PARP16: variants seen among roughly 807,000 people sequenced by gnomAD.
PARP16 encodes poly(ADP-ribose) polymerase family member 16.
A neutral mutation model predicts 35.0 loss-of-function variants in PARP16; 31 were observed. That is an observed-to-expected ratio of 0.88 (90% CI 0.66 to 1.19). The LOEUF (loss-of-function observed/expected upper bound fraction) is 1.19, where lower values mean the gene tolerates loss of function less well. Ranked by LOEUF, PARP16 falls within the 50% of genes most tolerant of loss-of-function variation. The pLI is 0.00. For synonymous variants in PARP16, 162 were observed against 169.5 expected, an observed-to-expected ratio of 0.96 and a Z score of 0.34; for missense variants, 424 against 411.2, an observed-to-expected ratio of 1.03 and a Z score of -0.27.
chr15:65,241,985 A>G lies in PARP16; in HGVS notation c.*97+6132T>C, dbSNP rs539324623. ...AAGATTTTCCCCTACGTCTTCTTCT[A>G]GAAGTTGTATAGTTTTTGCTCTTGT... On this transcript the variant is annotated intron_variant and NMD_transcript_variant, in intron 3 of 3. Coordinates refer to the PARP16 transcript ENST00000559805. 3.9e-5 allele frequency among the ~76,000 whole-genome samples: 6 copies of G among 152,306 alleles called. No individual in the cohort carries two copies. The East Asian group carries it at 5.8e-4, about 15-fold the overall frequency.
At chr15:65,283,253 G>A (rs185992033) in intron 1 of PARP16, among the ~76,000 whole-genome samples, 139 of 152,078 alleles carry the variant, frequency 9.1e-4, no homozygotes, top group African/African-American at 3.2e-3. Context: ...TCTGGACAAC[G>A]TTGTGAGACC....
chr15:65,246,244 C>G lies in PARP16; in HGVS notation c.*97+1873G>C, dbSNP rs181305387. ...TTTGGGAGAGCATAAGAGCTGCCAG[C>G]TTTAACAGGCTCTAGGGGATTCCCG... On this transcript the variant is annotated intron_variant and NMD_transcript_variant, in intron 3 of 3. Transcript: ENST00000559805. Among the ~76,000 whole-genome samples the G allele has an allele frequency of 2.6e-3, 392 of 152,300 alleles. 2 individuals carry two copies. Among genetic ancestry groups the G allele is most frequent in the African/African-American group, 9.0e-3 (374 of 41,560 alleles).
At chr15:65,268,674 C>G (rs2089984102) in intron 2 of PARP16, among the ~76,000 whole-genome samples, 1 of 151,966 alleles carries the variant, frequency 6.6e-6, no homozygotes, top group South Asian at 2.1e-4. Context: ...TGAACTCCAG[C>G]CTCAAGCAAT....
intron 2 of PARP16, among the ~76,000 whole-genome samples, chr15:65,269,205 T>TCTCTCTCTCTCTCTCTCTCCTCTCTC (rs1567029678): frequency 6.8e-6 from 1 of 147,306 alleles, no homozygotes; most frequent in Non-Finnish European, 1.5e-5. Context: ...TCTTTCTTTC[T>TCTCTCTCTCTCTCTCTCTCCTCTCTC]TTTTTTTTTG....
intron 3 of PARP16, among the ~76,000 whole-genome samples, chr15:65,238,547 T>C (rs973219774): frequency 1.3e-5 from 2 of 152,202 alleles, no homozygotes; most frequent in African/African-American, 2.4e-5. Context: ...TTAGGTCTTA[T>C]AATCTCTCTC....
chr15:65,246,633 G>A (rs901000065), intron 3 of PARP16, among the ~76,000 whole-genome samples: 1 of 152,156 alleles, frequency 6.6e-6, no homozygotes, highest in African/African-American at 2.4e-5. Flanking sequence ...GGGGCTCAGG[G>A]GCAGAATCAG....
intron 3 of PARP16, among the ~76,000 whole-genome samples, chr15:65,241,073 T>G (rs964399477): frequency 6.6e-6 from 1 of 151,172 alleles, no homozygotes; most frequent in Non-Finnish European, 1.5e-5. Flanking sequence ...TGACCTCAAG[T>G]GATCTGCCCC....
intron 2 of PARP16, among the ~76,000 whole-genome samples, chr15:65,267,614 A>C (rs2089944295): frequency 8.5e-6 from 1 of 118,314 alleles, no homozygotes; most frequent in Non-Finnish European, 1.9e-5. Flanking sequence ...CTCAAAAAAT[A>C]AATAAATTAA....
rs1221287846 is a variant in PARP16 at position 65,286,552 on chromosome 15, G to A, written c.-126C>T. On this transcript the variant is annotated 5_prime_UTR_variant, in exon 1 of 6. Coordinates refer to ENST00000649807, the MANE Select transcript of PARP16 (RefSeq NM_001316943.2). ...GGGCCGGGTTCCCAAGCCTGGGGTG[G>A]AGCTAGGCAGGGGGCTGAGATGACA... 4.0e-5 allele frequency: 26 copies of A among 653,016 alleles called. No individual in the cohort carries two copies. Among genetic ancestry groups the A allele is most frequent in the Middle Eastern group, 8.6e-4 (2 of 2,316 alleles). 40.5% of individuals were successfully genotyped at this position (653,016 alleles called of 1,614,324 possible). A position where few individuals can be genotyped will look rare whatever the true frequency, so the allele number is the denominator to read the frequency against.
At chr15:65,268,222 C>G (rs778324697) in intron 2 of PARP16, among the ~76,000 whole-genome samples, 4 of 152,112 alleles carry the variant, frequency 2.6e-5, no homozygotes, top group African/African-American at 4.8e-5. Flanking sequence ...ATATAGCAAA[C>G]AGAGACTTGA....
chr15:65,242,468 A>C (rs2089106068), intron 3 of PARP16, among the ~76,000 whole-genome samples: 1 of 151,970 alleles, frequency 6.6e-6, no homozygotes. Context: ...GAAAATTGTA[A>C]TCTTGAAAAC....
At chr15:65,260,525 C>T (rs1278901678) in intron 5 of PARP16, among the ~76,000 whole-genome samples, 1 of 152,186 alleles carries the variant, frequency 6.6e-6, no homozygotes, top group African/African-American at 2.4e-5. Flanking sequence ...CAATCACAAC[C>T]GGTGTCCAGT....
At chr15:65,275,069 G>A (rs991756010) in intron 1 of PARP16, among the ~76,000 whole-genome samples, 3 of 151,460 alleles carry the variant, frequency 2.0e-5, no homozygotes, top group African/African-American at 7.3e-5. Context: ...GAGCCAGTGA[G>A]CCATCACTGC....
At chr15:65,261,220 A>G (rs2140845201) in intron 4 of PARP16, among the ~76,000 whole-genome samples, 194 bp from the exon 5 acceptor site, 1 of 151,902 alleles carries the variant, frequency 6.6e-6, no homozygotes, top group Non-Finnish European at 1.5e-5. Context: ...GGAGGAAAAA[A>G]AGAGTAGGAA....
At chr15:65,266,862 G>T (rs1225481019) in intron 2 of PARP16, 94 bp from the exon 3 acceptor site, 10 of 852,230 alleles carry the variant, frequency 1.2e-5, no homozygotes, top group Non-Finnish European at 1.9e-5. Flanking sequence ...AACTCCCATG[G>T]ACTCTGCTCA....
chr15:65,260,701 T>A (rs891419810), intron 5 of PARP16, among the ~76,000 whole-genome samples, 184 bp downstream of exon 5: 2 of 152,214 alleles, frequency 1.3e-5, no homozygotes, highest in African/African-American at 4.8e-5. Context: ...AATACAGTCC[T>A]CTTAGGGTCG....
At chr15:65,255,735 A>G (rs1253699619), downstream of PARP16, among the ~76,000 whole-genome samples, 1 of 144,772 alleles carries the variant, frequency 6.9e-6, no homozygotes, top group South Asian at 2.2e-4. Context: ...GGTGGAGCAG[A>G]AAACTCAGAA....
intron 3 of PARP16, among the ~76,000 whole-genome samples, chr15:65,237,645 G>A (rs2088922255): frequency 6.6e-6 from 1 of 152,128 alleles, no homozygotes; most frequent in Non-Finnish European, 1.5e-5. Flanking sequence ...AGCTGGAAGA[G>A]TCAAAGAACA....
chr15:65,276,094 GT>G (rs2090246127), intron 1 of PARP16, among the ~76,000 whole-genome samples: 1 of 152,092 alleles, frequency 6.6e-6, no homozygotes, highest in Non-Finnish European at 1.5e-5. Context: ...CCCAGACAGG[GT>G]CCCTGCTGCA....
Sources: allele counts gnomAD v4.1 joint callset (sites outside exome capture counted in the v4.1 genomes callset), GRCh38; gene constraint gnomAD v4.1.1; transcripts MANE v1.5; gene names NCBI Gene and HGNC (gene_info 2026-07-23, HGNC 2026-07-21).